MAGI2: variants seen among roughly 807,000 people sequenced by gnomAD.
The protein encoded by MAGI2 is membrane associated guanylate kinase, WW and PDZ domain containing 2, also known as membrane-associated guanylate kinase, WW and PDZ domain-containing protein 2.
A neutral mutation model predicts 133.3 loss-of-function variants in MAGI2; 35 were observed. The ratio of observed to expected loss-of-function variants is 0.26; its 90% confidence interval spans 0.20 to 0.35. MAGI2 has a LOEUF of 0.35. Among genes scored for constraint, MAGI2 ranks in the 10% least tolerant of loss-of-function variants. MAGI2 has a pLI of 1.00. For missense variants in MAGI2, 1,636 were observed against 1,863.4 expected (o/e 0.88, Z 2.25); for synonymous variants, 729 against 710.6 (o/e 1.03, Z -0.41).
chr7:78,789,871 G>C (rs1253860520), intron 2 of MAGI2, among the ~76,000 whole-genome samples: 1 of 152,070 alleles, frequency 6.6e-6, no homozygotes, highest in Non-Finnish European at 1.5e-5. Context: ...TGGGTACTGA[G>C]GTCATATGCA....
intron 3 of MAGI2, among the ~76,000 whole-genome samples, chr7:78,613,639 A>C (rs1806721366): frequency 6.6e-6 from 1 of 152,194 alleles, no homozygotes; most frequent in Non-Finnish European, 1.5e-5. Flanking sequence ...GTAAAAAGAA[A>C]ATCTTTTAAA....
chr7:78,474,651 A>G (rs949955197), intron 6 of MAGI2, among the ~76,000 whole-genome samples: 1 of 151,988 alleles, frequency 6.6e-6, no homozygotes, highest in African/African-American at 2.4e-5. Context: ...TAGAATCTGC[A>G]TGGCAAATAG....
intron 1 of MAGI2, among the ~76,000 whole-genome samples, chr7:79,272,741 C>T (rs1834965478): frequency 6.6e-6 from 1 of 151,678 alleles, no homozygotes; most frequent in South Asian, 2.1e-4. Context: ...AATCTAATAC[C>T]ATAGTACTCT....
intron 6 of MAGI2, among the ~76,000 whole-genome samples, chr7:78,453,394 TC>T (rs909110200): frequency 2.6e-5 from 4 of 152,216 alleles, no homozygotes; most frequent in African/African-American, 7.2e-5. Flanking sequence ...AATCGCTGTT[TC>T]CCCAGGCTCT....
In MAGI2 at chr7:78,572,544, T is replaced by C. The variant is rs1208218978; in HGVS notation, c.539-50899A>G. Among the ~76,000 whole-genome samples the C allele has an allele frequency of 3.3e-5, 5 of 152,092 alleles. No individual in the cohort carries two copies. The East Asian group carries it at 5.8e-4, about 18-fold the overall frequency. ...AGTATATTCACATATTTTAGACAAA[T>C]TGTCCTACAAGGTATAAAAAGGTAA... On this transcript the variant is annotated intron_variant, in intron 3 of 21. Coordinates refer to ENST00000354212, the MANE Select transcript of MAGI2 (RefSeq NM_012301.4).
chr7:79,317,247 C>T (rs754127747), intron 1 of MAGI2, among the ~76,000 whole-genome samples: 50 of 152,066 alleles, frequency 3.3e-4, no homozygotes, highest in Admixed American at 2.6e-3. Flanking sequence ...TGGTCTTGAA[C>T]GCCTGACCTC....
chr7:78,984,411 A>G (rs2116227856), intron 2 of MAGI2, among the ~76,000 whole-genome samples: 1 of 151,844 alleles, frequency 6.6e-6, no homozygotes, highest in East Asian at 2.0e-4. Flanking sequence ...GTGTCCCTAC[A>G]TTGCCTCCCT....
At chr7:79,173,565 T>C (rs1390686688) in intron 1 of MAGI2, among the ~76,000 whole-genome samples, 2 of 151,972 alleles carry the variant, frequency 1.3e-5, no homozygotes, top group Non-Finnish European at 2.9e-5. Context: ...CTCCTGTCCT[T>C]AAGTGATCCT....
chr7:79,449,706 T>TA, intron 1 of MAGI2, among the ~76,000 whole-genome samples: 1 of 151,988 alleles, frequency 6.6e-6, no homozygotes, highest in African/African-American at 2.4e-5. Flanking sequence ...CCATAGTTTA[T>TA]AAAAAAGAAT....
chr7:78,421,680 T>G (rs927593105), intron 6 of MAGI2, among the ~76,000 whole-genome samples: 2 of 152,080 alleles, frequency 1.3e-5, no homozygotes, highest in African/African-American at 4.8e-5. Context: ...GGTGAACACC[T>G]GTAGTCCCAG....
chr7:78,927,107 T>G (rs1415775837), intron 2 of MAGI2, among the ~76,000 whole-genome samples: 5 of 152,012 alleles, frequency 3.3e-5, no homozygotes. Context: ...CAACAATACT[T>G]TTCATCATGA....
At chr7:79,088,994 G>T (rs2215543) in intron 1 of MAGI2, among the ~76,000 whole-genome samples, 126,432 of 152,056 alleles carry the variant, frequency 0.83, 53,078 homozygotes, top group Non-Finnish European at 0.86. Flanking sequence ...AAAGAAACTC[G>T]CATCAGAGTG....
At chr7:78,402,311 G>A (rs1796954574) in intron 6 of MAGI2, among the ~76,000 whole-genome samples, 1 of 149,744 alleles carries the variant, frequency 6.7e-6, no homozygotes, top group Non-Finnish European at 1.5e-5. Flanking sequence ...CCTGGGGTGT[G>A]TGTGTATCCA....
At chr7:79,448,164 T>G (rs1848992255) in intron 1 of MAGI2, among the ~76,000 whole-genome samples, 1 of 151,940 alleles carries the variant, frequency 6.6e-6, no homozygotes, top group Non-Finnish European at 1.5e-5. Flanking sequence ...AAAATAAATA[T>G]AAAATAGCAG....
intron 2 of MAGI2, among the ~76,000 whole-genome samples, chr7:78,857,614 T>A (rs908827098): frequency 6.6e-6 from 1 of 152,212 alleles, no homozygotes; most frequent in Non-Finnish European, 1.5e-5. Context: ...CACTTGATCA[T>A]GGTGGATAAG....
intron 2 of MAGI2, among the ~76,000 whole-genome samples, chr7:78,789,792 C>T (rs1827117734): frequency 6.6e-6 from 1 of 152,192 alleles, no homozygotes; most frequent in Non-Finnish European, 1.5e-5. Flanking sequence ...ACATCTTATT[C>T]ATTCTATCTC....
At chr7:79,375,271 T>C (rs1455523627) in intron 1 of MAGI2, among the ~76,000 whole-genome samples, 1 of 151,956 alleles carries the variant, frequency 6.6e-6, no homozygotes, top group Non-Finnish European at 1.5e-5. Flanking sequence ...AGAAAGATTT[T>C]GGCATTAGGT....
intron 10 of MAGI2, chr7:78,252,618 T>C (rs1015703110): frequency 6.6e-6 from 1 of 151,362 alleles, no homozygotes; most frequent in African/African-American, 2.4e-5. Context: ...TTCTTAGATA[T>C]AACACCAAAA....
chr7:78,596,599 G>A (rs1804636789), intron 3 of MAGI2, among the ~76,000 whole-genome samples: 1 of 151,976 alleles, frequency 6.6e-6, no homozygotes, highest in Non-Finnish European at 1.5e-5. Context: ...TATTAATTAG[G>A]TCCACCATGG....
Sources: allele counts gnomAD v4.1 joint callset (sites outside exome capture counted in the v4.1 genomes callset), GRCh38; gene constraint gnomAD v4.1.1; transcripts MANE v1.5; gene names NCBI Gene and HGNC (gene_info 2026-07-23, HGNC 2026-07-21).